The following PCED1B variants were observed in gnomAD, a reference collection of about 807,000 sequenced individuals.
The protein encoded by PCED1B is PC-esterase domain-containing protein 1B.
For missense variants in PCED1B, 573 were observed against 573.9 expected (o/e 1.00, Z 0.02); for synonymous variants, 251 against 246.1 (o/e 1.02, Z -0.19).
At chr12:47,109,858 C>T (rs1174647870) in intron 2 of PCED1B, among the ~76,000 whole-genome samples, 2 of 152,130 alleles carry the variant, frequency 1.3e-5, no homozygotes, top group Admixed American at 6.5e-5. Context: ...AAAAGTGCCT[C>T]GGGTGATTTT....
At chr12:47,128,789 A>G (rs1452299590) in intron 2 of PCED1B, among the ~76,000 whole-genome samples, 2 of 152,232 alleles carry the variant, frequency 1.3e-5, no homozygotes, top group Non-Finnish European at 2.9e-5. Context: ...GCTTTACATG[A>G]TATCTTCTGA....
At chr12:47,097,769 CAGTT>C (rs1938540105) in intron 1 of PCED1B, among the ~76,000 whole-genome samples, 2 of 152,290 alleles carry the variant, frequency 1.3e-5, no homozygotes, top group South Asian at 4.1e-4. Context: ...GTGCTTGCTA[CAGTT>C]TTCGGATGAA....
At chr12:47,082,038 A>G (rs916154063) in intron 1 of PCED1B, among the ~76,000 whole-genome samples, 1 of 152,222 alleles carries the variant, frequency 6.6e-6, no homozygotes, top group Admixed American at 6.5e-5. Context: ...GAACGTTGTA[A>G]AAGGATTGAG....
intron 3 of PCED1B, among the ~76,000 whole-genome samples, chr12:47,229,414 CAA>C (rs563683098): frequency 6.6e-5 from 8 of 121,944 alleles, no homozygotes; most frequent in Admixed American, 1.7e-4. Flanking sequence ...AACTGCTTCT[CAA>C]AAAAAAAAAA....
chr12:47,126,621 C>T (rs1939898589), intron 2 of PCED1B, among the ~76,000 whole-genome samples: 2 of 152,214 alleles, frequency 1.3e-5, no homozygotes, highest in African/African-American at 4.8e-5. Context: ...AAGAAGCCAT[C>T]TGAGCCTGGA....
intron 2 of PCED1B, among the ~76,000 whole-genome samples, chr12:47,141,820 C>T (rs1940603791): frequency 6.6e-6 from 1 of 152,190 alleles, no homozygotes; most frequent in Non-Finnish European, 1.5e-5. Context: ...AGTTCAGCTG[C>T]AGATCTTGAA....
chr12:47,152,333 C>T (rs960966609), intron 2 of PCED1B, among the ~76,000 whole-genome samples: 7 of 152,186 alleles, frequency 4.6e-5, no homozygotes, highest in Admixed American at 3.3e-4. Context: ...CATCACACAC[C>T]TCCTGAGATA....
At chr12:47,115,849 G>A (rs1939397932) in intron 2 of PCED1B, among the ~76,000 whole-genome samples, 1 of 152,034 alleles carries the variant, frequency 6.6e-6, no homozygotes, top group African/African-American at 2.4e-5. Context: ...AATTGTATAC[G>A]ACAAAGTGAA....
intron 2 of PCED1B, among the ~76,000 whole-genome samples, chr12:47,163,985 T>A (rs1941467645): frequency 6.6e-6 from 1 of 152,114 alleles, no homozygotes; most frequent in African/African-American, 2.4e-5. Context: ...GAGCAACAAC[T>A]CACCCACTCC....
At chr12:47,142,236 G>C (rs1321927232) in intron 2 of PCED1B, among the ~76,000 whole-genome samples, 2 of 152,100 alleles carry the variant, frequency 1.3e-5, no homozygotes, top group African/African-American at 2.4e-5. Context: ...ACCTCACACT[G>C]GACCCAGCAG....
chr12:47,226,617 C>A (rs1040363773), intron 3 of PCED1B, among the ~76,000 whole-genome samples: 2 of 152,136 alleles, frequency 1.3e-5, no homozygotes, highest in Admixed American at 6.5e-5. Flanking sequence ...TCAAGTTATC[C>A]GCCCGCCTTG....
At chr12:47,139,114 A>C (rs1490379726) in intron 2 of PCED1B, among the ~76,000 whole-genome samples, 1 of 152,208 alleles carries the variant, frequency 6.6e-6, no homozygotes, top group African/African-American at 2.4e-5. Flanking sequence ...TACTGAGAAT[A>C]GTGACATAAT....
intron 2 of PCED1B, among the ~76,000 whole-genome samples, chr12:47,202,594 T>TAAAAAAAAAAAA (rs60769675): frequency 1.1e-4 from 7 of 66,656 alleles, no homozygotes; most frequent in Non-Finnish European, 1.5e-4. Flanking sequence ...TAGACATTAG[T>TAAAAAAAAAAAA]AAAAAAAAAA....
At chr12:47,219,806 T>G (rs1013675412) in intron 3 of PCED1B, among the ~76,000 whole-genome samples, 1 of 152,184 alleles carries the variant, frequency 6.6e-6, no homozygotes, top group African/African-American at 2.4e-5. Context: ...TTTTTTCTTC[T>G]TAATTTAAAC....
chr12:47,204,380 C>T (rs999271008), intron 2 of PCED1B, among the ~76,000 whole-genome samples: 3 of 152,118 alleles, frequency 2.0e-5, no homozygotes, highest in African/African-American at 7.2e-5. Context: ...TCTTCCTATC[C>T]ATGAGCATGG....
intron 2 of PCED1B, among the ~76,000 whole-genome samples, chr12:47,178,518 G>A (rs945400232): frequency 6.6e-6 from 1 of 152,100 alleles, no homozygotes; most frequent in African/African-American, 2.4e-5. Context: ...CAACAGCCCA[G>A]GTAGCCTATG....
rs1943994426 is a variant in PCED1B at position 47,236,565 on chromosome 12, C to CT, written c.*205dup. ...CTTCTTGGCTGCAGCCTCTTCCCCA[C>CT]TTCCTGGGAGTGACCCAGCGTTATT... is the stretch of plus-strand genomic sequence containing the variant. On this transcript the variant is annotated 3_prime_UTR_variant, in exon 4 of 4. Coordinates refer to ENST00000546455, the MANE Select transcript of PCED1B (RefSeq NM_138371.3). 1 of 555,032 alleles carries CT rather than the reference C, an allele frequency of 1.8e-6. No individual in the cohort carries two copies. Among genetic ancestry groups the CT allele is most frequent in the African/African-American group, 1.9e-5 (1 of 52,294 alleles). The allele number at this position is 555,032 out of a possible 1,614,324, so 34.4% of individuals were successfully genotyped here.
chr12:47,169,770 G>A (rs928908007), intron 2 of PCED1B, among the ~76,000 whole-genome samples: 11 of 151,136 alleles, frequency 7.3e-5, no homozygotes, highest in Non-Finnish European at 1.0e-4. Context: ...TAGGAAGATC[G>A]CTTGAGCCCA....
At chr12:47,090,301 C>A (rs2137169986) in intron 1 of PCED1B, among the ~76,000 whole-genome samples, 1 of 152,204 alleles carries the variant, frequency 6.6e-6, no homozygotes, top group Middle Eastern at 3.4e-3. Context: ...AGCTGAGGAG[C>A]CACGTGGAGA....
Sources: allele counts gnomAD v4.1 joint callset (sites outside exome capture counted in the v4.1 genomes callset), GRCh38; gene constraint gnomAD v4.1.1; transcripts MANE v1.5; gene names NCBI Gene and HGNC (gene_info 2026-07-23, HGNC 2026-07-21).